The following RIOX1 variants were observed in gnomAD, a reference collection of about 807,000 sequenced individuals.
The protein encoded by RIOX1 is 60S ribosomal protein L8 histidine hydroxylase.
RIOX1 carries 33 observed loss-of-function variants against 44.6 expected under a neutral mutation model. The ratio of observed to expected loss-of-function variants is 0.74; its 90% CI spans 0.56 to 0.99. The LOEUF is 0.99. Among genes scored for constraint, RIOX1 ranks in the 50% least tolerant of loss-of-function variants. RIOX1 has a pLI of 0.00. For missense variants in RIOX1, 821 were observed against 871.7 expected, an observed-to-expected ratio of 0.94 and a Z score of 0.73; for synonymous variants, 387 against 395.8, an observed-to-expected ratio of 0.98 and a Z score of 0.26.
rs771186082 is a variant in RIOX1 at position 73,491,676 on chromosome 14, G to A, written c.659G>A (p.Arg220Gln). Residue 220 changes from arginine (R) to glutamine (Q), a missense_variant, in exon 1 of 1, where the codon CGG (arginine) becomes CAG (glutamine). Arg to Gln is a conservative substitution (Grantham distance 43). Around this residue, in one of 2 missense-constraint regions of RIOX1, gnomAD observed 554 missense variants for 531.2 expected, o/e 1.04. Transcript: ENST00000304061. ...CCCATGCCGCCAGATCACTTTTACC[G>A]GCGCCTATGGGAGCGCGAGGCGGTG... ...IAPMPPDHFY[R>Q]RLWEREAVLV... The A allele has an allele frequency of 6.5e-7, 1 of 1,549,622 alleles. No homozygotes were observed. Among genetic ancestry groups the A allele is most frequent in the Non-Finnish European group, 8.7e-7 (1 of 1,146,766 alleles).
At position 73,491,264 on chromosome 14, in the gene RIOX1, G is replaced by A. The variant is rs763857015; in HGVS notation, c.247G>A (p.Ala83Thr). The change falls in exon 1 of 1, where the codon GCG becomes ACG. Residue 83 changes from alanine (A) to threonine (T), a missense_variant. Physicochemically the swap from Ala to Thr is moderately conservative, Grantham distance 58. Coordinates refer to ENST00000304061, the MANE Select transcript of RIOX1 (RefSeq NM_024644.5). ...DDLGDALPGG[A>T]AVAAVPDAAR... ...CCTGGGGGACGCGCTACCCGGTGGG[G>A]CGGCGGTGGCGGCCGTCCCGGACGC... is the stretch of plus-strand genomic sequence containing the variant. 5.1e-6 allele frequency: 8 copies of A among 1,570,480 alleles called. No individual in the cohort carries two copies. In the Admixed American group the frequency reaches 1.1e-4, roughly 21 times the overall value.
chr14:73,492,294 A>G lies in RIOX1; in HGVS notation c.1277A>G (p.Asn426Ser). Residue 426 changes from asparagine (N) to serine (S), a missense_variant, in exon 1 of 1, where the codon AAT (asparagine) becomes AGT (serine). Around this residue, in one of 2 missense-constraint regions of RIOX1, gnomAD observed 267 missense variants for 340.5 expected, o/e 0.78. Coordinates refer to ENST00000304061, the MANE Select transcript of RIOX1 (RefSeq NM_024644.5). This position sits in a 1 kb window ranked among gnomAD's most constrained non-coding sequence, Gnocchi z 4.9. ...LHLTLSTYQR[N>S]TWGDFLEAIL... ...CTCACCTTGTCCACGTACCAGCGCA[A>G]TACCTGGGGTGACTTCTTAGAGGCC... 6.2e-7 allele frequency: 1 copy of G among 1,614,024 alleles called. No homozygotes were observed. The highest frequency in any genetic ancestry group is 8.5e-7 in the Non-Finnish European group (1 of 1,179,908).
chr14:73,491,963 C>G lies in RIOX1; in HGVS notation c.946C>G (p.Gln316Glu). The G allele has an allele frequency of 6.2e-7, 1 of 1,613,948 alleles. No homozygotes were observed. The highest frequency in any genetic ancestry group is 8.5e-7 in the Non-Finnish European group (1 of 1,179,874). Residue 316 changes from glutamine (Q) to glutamate (E), a missense_variant, in exon 1 of 1, where the codon CAA (glutamine) becomes GAA (glutamate). Gln to Glu is a conservative substitution (Grantham distance 29). This residue lies in a region of RIOX1 where 554 missense variants were observed against 531.2 expected (regional missense o/e 1.04). Coordinates refer to ENST00000304061, the MANE Select transcript of RIOX1 (RefSeq NM_024644.5). ...TGTGTGGCAGTTTTTGGCTGTGCTT[C>G]AAGAGCAGTTTGGAAGCATGGCAGG... ...TTVWQFLAVLQEQFGSMAGSN... is the reference protein window; with the variant it reads ...TTVWQFLAVLEEQFGSMAGSN...
In RIOX1 at chr14:73,492,064, G is replaced by A; in HGVS notation, c.1047G>A (p.Leu349=). The A allele has an allele frequency of 6.2e-7, 1 of 1,613,998 alleles. No homozygotes were observed. Residue 349 remains leucine, a synonymous_variant, in exon 1 of 1, where the codon CTG becomes CTA. Coordinates refer to ENST00000304061, the MANE Select transcript of RIOX1 (RefSeq NM_024644.5). This position sits in a 1 kb window ranked among gnomAD's most constrained non-coding sequence, Gnocchi z 4.9. ...PHYDDIEAFV[L]QLEGRKLWRV... ...ACGACGACATCGAGGCCTTCGTGCT[G>A]CAGCTGGAAGGTAGGAAACTCTGGC...
chr14:73,493,124 T>G lies in RIOX1; in HGVS notation c.*181T>G, dbSNP rs994599270. The G allele has an allele frequency of 1.9e-6, 3 of 1,612,708 alleles. No individual in the cohort carries two copies. The highest frequency in any genetic ancestry group is 2.5e-6 in the Non-Finnish European group (3 of 1,179,592). ...AGGTCTTCTAGGAAGAACCATCTCATCTAGGTACAAAAGGAAAAGGAGAAG... is the reference window on the plus strand; with the variant it reads ...AGGTCTTCTAGGAAGAACCATCTCAGCTAGGTACAAAAGGAAAAGGAGAAG... On this transcript the variant is annotated 3_prime_UTR_variant, in exon 1 of 1. Coordinates refer to ENST00000304061, the MANE Select transcript of RIOX1 (RefSeq NM_024644.5).
Position 73,491,832 on chromosome 14 carries a change from G to T in RIOX1, c.815G>T (p.Arg272Leu). The T allele has an allele frequency of 1.2e-6, 2 of 1,607,764 alleles. No homozygotes were observed. The highest frequency in any genetic ancestry group is 1.7e-6 in the Non-Finnish European group (2 of 1,177,632). Reference protein sequence around the residue: ...LDAARYINGRRETLNPPGRAL... With the variant: ...LDAARYINGRLETLNPPGRAL... ...GCCGCTCGCTACATCAACGGACGAC[G>T]CGAGACCCTGAACCCACCCGGCCGC... Residue 272 changes from arginine (R) to leucine (L), a missense_variant, in exon 1 of 1, where the codon CGC (arginine) becomes CTC (leucine). This residue lies in a region of RIOX1 where 554 missense variants were observed against 531.2 expected (regional missense o/e 1.04). Transcript: ENST00000304061.
Position 73,491,162 on chromosome 14 carries a change from C to T in RIOX1, c.145C>T (p.Arg49Cys), listed in dbSNP as rs777450367. The T allele has an allele frequency of 3.7e-6, 6 of 1,604,204 alleles. No individual in the cohort carries two copies. In the South Asian group the frequency reaches 6.7e-5, roughly 18 times the overall value. The change falls in exon 1 of 1, where the codon CGC (arginine) becomes TGC (cysteine). Residue 49 changes from arginine to cysteine, a missense_variant. Physicochemically the swap from Arg to Cys is radical, Grantham distance 180. Coordinates refer to ENST00000304061, the MANE Select transcript of RIOX1 (RefSeq NM_024644.5). The stretch of plus-strand genomic sequence containing the variant: ...AAAGCAGCTGCGAAGTGTTGTATCC[C>T]GCATGGCAGCGCTGAGGACGCAGAC... The part of the protein sequence containing the change: ...IRKQLRSVVS[R>C]MAALRTQTLP...
chr14:73,493,268 G>T lies in RIOX1; in HGVS notation c.*325G>T. The T allele has an allele frequency of 1.6e-6, 1 of 643,722 alleles. No homozygotes were observed. The highest frequency in any genetic ancestry group is 2.7e-6 in the Non-Finnish European group (1 of 373,192). 39.9% of individuals were successfully genotyped at this position (643,722 alleles called of 1,614,324 possible). On this transcript the variant is annotated 3_prime_UTR_variant, in exon 1 of 1. Transcript: ENST00000304061. ...GTCGTTCTGCTTGAGACAGATATTA[G>T]ATTTTTTTTGGAATTTGGATCTTTC...
rs913402502 is a variant in RIOX1, at chr14:73,493,343, T to C, written c.*400T>C. On this transcript the variant is annotated 3_prime_UTR_variant, in exon 1 of 1. Transcript: ENST00000304061. ...GTCGGGGTCAGTATCCTGTTTGTTA[T>C]TGTTAAATTTGTATGAACCTTAGAA... 10 of 503,926 alleles carry C rather than the reference T, an allele frequency of 2.0e-5. No individual in the cohort carries two copies. Among genetic ancestry groups the C allele is most frequent in the Non-Finnish European group, 3.2e-5 (9 of 277,918 alleles). 31.2% of individuals were successfully genotyped at this position (503,926 alleles called of 1,614,324 possible).
chr14:73,491,940 T>G lies in RIOX1; in HGVS notation c.923T>G (p.Val308Gly), dbSNP rs775573262. 1 of 1,613,706 alleles carries G rather than the reference T, an allele frequency of 6.2e-7. No individual in the cohort carries two copies. The highest frequency in any genetic ancestry group is 8.5e-7 in the Non-Finnish European group (1 of 1,179,850). ...TGTCCGCAGGCTTTCTCTACTACTG[T>G]GTGGCAGTTTTTGGCTGTGCTTCAA... ...LLCPQAFSTT[V>G]WQFLAVLQEQ... Residue 308 changes from valine (V) to glycine (G), a missense_variant, in exon 1 of 1, where the codon GTG becomes GGG. Val to Gly is a moderately radical substitution (Grantham distance 109). Coordinates refer to ENST00000304061, the MANE Select transcript of RIOX1 (RefSeq NM_024644.5).
In RIOX1 at chr14:73,491,816, T is replaced by C. The variant is rs1359161963; in HGVS notation, c.799T>C (p.Tyr267His). 1.2e-6 allele frequency: 2 copies of C among 1,603,910 alleles called. No individual in the cohort carries two copies. The highest frequency in any genetic ancestry group is 1.7e-6 in the Non-Finnish European group (2 of 1,175,926). The stretch of plus-strand genomic sequence containing the variant: ...CGGCCAGCATTTGGACGCCGCTCGC[T>C]ACATCAACGGACGACGCGAGACCCT... Reference protein sequence around the residue: ...QFGQHLDAARYINGRRETLNP... With the variant: ...QFGQHLDAARHINGRRETLNP... The change falls in exon 1 of 1, where the codon TAC becomes CAC. Residue 267 changes from tyrosine (Y) to histidine (H), a missense_variant. Coordinates refer to ENST00000304061, the MANE Select transcript of RIOX1 (RefSeq NM_024644.5).
In RIOX1 at chr14:73,492,372, G is replaced by C; in HGVS notation, c.1355G>C (p.Arg452Thr). The C allele has an allele frequency of 6.2e-7, 1 of 1,613,908 alleles. No homozygotes were observed. Among genetic ancestry groups the C allele is most frequent in the Non-Finnish European group, 8.5e-7 (1 of 1,179,824 alleles). The change falls in exon 1 of 1, where the codon AGG (arginine) becomes ACG (threonine). Residue 452 changes from arginine (R) to threonine (T), a missense_variant. Transcript: ENST00000304061. This position sits in a 1 kb window ranked among gnomAD's most constrained non-coding sequence, Gnocchi z 4.9. ...ATGGAAGAAAATGTGGAGTTTCGGA[G>C]GGGTCTGCCCCGAGACTTCATGGAT... ...AAMEENVEFR[R>T]GLPRDFMDYM...
chr14:73,492,895 G>C lies in RIOX1; in HGVS notation c.1878G>C (p.Leu626Phe). 1 of 1,613,702 alleles carries C rather than the reference G, an allele frequency of 6.2e-7. No homozygotes were observed. The highest frequency in any genetic ancestry group is 8.5e-7 in the Non-Finnish European group (1 of 1,179,824). Residue 626 changes from leucine (L) to phenylalanine (F), a missense_variant, in exon 1 of 1, where the codon TTG (leucine) becomes TTC (phenylalanine). By Grantham distance (22) the Leu-to-Phe change is conservative. This residue lies in a region of RIOX1 where 267 missense variants were observed against 340.5 expected (regional missense o/e 0.78). Transcript: ENST00000304061. This position sits in a 1 kb window ranked among gnomAD's most constrained non-coding sequence, Gnocchi z 4.9. ...ACCAGCTGTCCTTGGCAACCACGTTGTATGATAAGGGGCTGCTGCTCACTA... is the reference window on the plus strand; with the variant it reads ...ACCAGCTGTCCTTGGCAACCACGTTCTATGATAAGGGGCTGCTGCTCACTA... Reference protein sequence around the residue: ...VEDQLSLATTLYDKGLLLTKM... With the variant: ...VEDQLSLATTFYDKGLLLTKM...
rs753612590 is a variant in RIOX1 at position 73,490,993 on chromosome 14, CG to C, written c.-21del. 6.7e-6 allele frequency: 9 copies of C among 1,348,170 alleles called. No individual in the cohort carries two copies. In the South Asian group the frequency reaches 1.8e-4, roughly 28 times the overall value. 83.5% of individuals were successfully genotyped at this position (1,348,170 alleles called of 1,614,324 possible). ...TTAGCTTCGCCCCCGGCCGGCCGGG[CG>C]GGGAAGACTGGTGTGGTCTGGCCAT... is the stretch of plus-strand genomic sequence containing the variant. On this transcript the variant is annotated 5_prime_UTR_variant, in exon 1 of 1. Coordinates refer to ENST00000304061, the MANE Select transcript of RIOX1 (RefSeq NM_024644.5).
chr14:73,492,052 G>A lies in RIOX1; in HGVS notation c.1035G>A (p.Glu345=), dbSNP rs773430467. The stretch of plus-strand genomic sequence containing the variant: ...TTGCCCCCCACTACGACGACATCGA[G>A]GCCTTCGTGCTGCAGCTGGAAGGTA... The part of the protein sequence containing the change: ...QGFAPHYDDI[E]AFVLQLEGRK... The change falls in exon 1 of 1, where the codon GAG becomes GAA. Residue 345 remains glutamate, a synonymous_variant. Coordinates refer to ENST00000304061, the MANE Select transcript of RIOX1 (RefSeq NM_024644.5). This position sits in a 1 kb window ranked among gnomAD's most constrained non-coding sequence, Gnocchi z 4.9. The A allele has an allele frequency of 1.2e-5, 19 of 1,613,876 alleles. 2 individuals carry two copies. The South Asian group carries it at 2.1e-4, about 18-fold the overall frequency.
At position 73,492,671 on chromosome 14, in the gene RIOX1, C is replaced by G; in HGVS notation, c.1654C>G (p.Gln552Glu). 1 of 1,613,982 alleles carries G rather than the reference C, an allele frequency of 6.2e-7. No individual in the cohort carries two copies. The highest frequency in any genetic ancestry group is 8.5e-7 in the Non-Finnish European group (1 of 1,179,876). The stretch of plus-strand genomic sequence containing the variant: ...AACAGAAACAGAAGTCCATATGCTT[C>G]AGGATGGGATAGCTCGGCTGGTGGG... ...LTTETEVHML[Q>E]DGIARLVGEG... The change falls in exon 1 of 1, where the codon CAG becomes GAG. Residue 552 changes from glutamine (Q) to glutamate (E), a missense_variant. Physicochemically the swap from Gln to Glu is conservative, Grantham distance 29. This residue lies in a region of RIOX1 where 267 missense variants were observed against 340.5 expected (regional missense o/e 0.78). Transcript: ENST00000304061. The surrounding 1 kb of genome is among the most constrained non-coding windows in gnomAD (Gnocchi z 4.9).
In RIOX1 at chr14:73,492,198, G is replaced by C. The variant is rs1242038982; in HGVS notation, c.1181G>C (p.Gly394Ala). 1.2e-6 allele frequency: 2 copies of C among 1,613,992 alleles called. No homozygotes were observed. Among genetic ancestry groups the C allele is most frequent in the Non-Finnish European group, 1.7e-6 (2 of 1,179,890 alleles). The change falls in exon 1 of 1, where the codon GGA (glycine) becomes GCA (alanine). Residue 394 changes from glycine (G) to alanine (A), a missense_variant. Coordinates refer to ENST00000304061, the MANE Select transcript of RIOX1 (RefSeq NM_024644.5). This position sits in a 1 kb window ranked among gnomAD's most constrained non-coding sequence, Gnocchi z 4.9. ...GTGCTGCAGACCGTGCTGGAACCTG[G>C]AGATTTGCTGTATTTTCCTCGGGGC... ...EPVLQTVLEPGDLLYFPRGFI... is the reference protein window; with the variant it reads ...EPVLQTVLEPADLLYFPRGFI...
rs764746561 is a variant in RIOX1 at position 73,492,401 on chromosome 14, A to C, written c.1384A>C (p.Met462Leu). Residue 462 changes from methionine (M) to leucine (L), a missense_variant, in exon 1 of 1, where the codon ATG becomes CTG. By Grantham distance (15) the Met-to-Leu change is conservative (BLOSUM62 2). This residue lies in a region of RIOX1 where 267 missense variants were observed against 340.5 expected (regional missense o/e 0.78). Transcript: ENST00000304061. The surrounding 1 kb of genome is among the most constrained non-coding windows in gnomAD (Gnocchi z 4.9). ...RGLPRDFMDY[M>L]GAQHSDSKDP... ...TCTGCCCCGAGACTTCATGGATTAC[A>C]TGGGGGCCCAGCATTCAGATTCTAA... is the stretch of plus-strand genomic sequence containing the variant. 1.9e-6 allele frequency: 3 copies of C among 1,613,852 alleles called. No individual in the cohort carries two copies. Among genetic ancestry groups the C allele is most frequent in the South Asian group, 1.1e-5 (1 of 91,072 alleles).
Position 73,492,983 on chromosome 14 carries a change from C to T in RIOX1, c.*40C>T. On this transcript the variant is annotated 3_prime_UTR_variant, in exon 1 of 1. Coordinates refer to ENST00000304061, the MANE Select transcript of RIOX1 (RefSeq NM_024644.5). This position sits in a 1 kb window ranked among gnomAD's most constrained non-coding sequence, Gnocchi z 4.9. ...CTGGAAACAAGGCAGTAGTGATTCT[C>T]CGCTGCCACTGCTACCTTTTTTTTT... is the stretch of plus-strand genomic sequence containing the variant. The T allele has an allele frequency of 6.3e-7, 1 of 1,594,132 alleles. No individual in the cohort carries two copies. The highest frequency in any genetic ancestry group is 8.5e-7 in the Non-Finnish European group (1 of 1,174,082).
Sources: gnomAD v4.1 joint callset for allele counts on GRCh38, gnomAD v4.1.1 for gene constraint, gnomAD v4.1.1 regional missense constraint, Gnocchi (gnomAD v3.1) non-coding constraint, MANE v1.5 for transcripts, NCBI Gene and HGNC (gene_info 2026-07-23, HGNC 2026-07-21) for gene names.